Variants in TMEM178B observed in about 807,000 individuals in gnomAD.
TMEM178B encodes transmembrane protein 178B.
TMEM178B carries 5 observed loss-of-function variants against 31.0 expected under a neutral mutation model. The ratio of observed to expected loss-of-function variants is 0.16; its 90% CI spans 0.08 to 0.34. The LOEUF (loss-of-function observed/expected upper bound fraction) is 0.34, where lower values mean the gene tolerates loss of function less well. Among genes scored for constraint, TMEM178B ranks in the 10% least tolerant of loss-of-function variants. The pLI, the probability that TMEM178B is intolerant of heterozygous loss-of-function variation, is 1.00. For missense variants in TMEM178B, 275 were observed against 400.3 expected, an observed-to-expected ratio of 0.69 and a Z score of 2.67; for synonymous variants, 164 against 164.0, an observed-to-expected ratio of 1.00 and a Z score of 0.00.
chr7:141,344,614 T>TCCTTCCTTCCTC lies in TMEM178B; in HGVS notation c.497-92983_497-92982insCCCTTCCTTCCT, dbSNP rs1799584913. The stretch of plus-strand genomic sequence containing the variant: ...TTCCTTCCTTCCTTCCTTCCTTCCT[T>TCCTTCCTTCCTC]CCTTCCTTCCTTCCTCCCTTCCTTC... On this transcript the variant is annotated intron_variant, in intron 2 of 3. Transcript: ENST00000565468. This position sits in a 1 kb window ranked among gnomAD's most constrained non-coding sequence, Gnocchi z 4.1. Among the ~76,000 whole-genome samples, 2 of 146,324 alleles carry TCCTTCCTTCCTC rather than the reference T, an allele frequency of 1.4e-5. No homozygotes were observed. The highest frequency in any genetic ancestry group is 3.0e-5 in the Non-Finnish European group (2 of 67,278).
intron 1 of TMEM178B, among the ~76,000 whole-genome samples, chr7:141,101,986 A>C (rs1424281982): frequency 6.7e-6 from 1 of 150,326 alleles, no homozygotes; most frequent in East Asian, 2.0e-4. Flanking sequence ...GTATGAGTAG[A>C]TTTTGTTTTT....
At chr7:141,319,587 C>A (rs1799063748) in intron 2 of TMEM178B, among the ~76,000 whole-genome samples, 1 of 152,116 alleles carries the variant, frequency 6.6e-6, no homozygotes, top group African/African-American at 2.4e-5. Context: ...GAGTCTCACT[C>A]TATTGCCCAG....
At chr7:141,510,507 GA>G in the TMEM178B span, among the ~76,000 whole-genome samples, 1 of 151,602 alleles carries the variant, frequency 6.6e-6, no homozygotes, top group African/African-American at 2.4e-5. Flanking sequence ...TCAACATGGA[GA>G]AACCCCATCT....
At chr7:141,208,292 G>T (rs1194297343) in intron 1 of TMEM178B, among the ~76,000 whole-genome samples, 2 of 152,166 alleles carry the variant, frequency 1.3e-5, no homozygotes, top group Non-Finnish European at 2.9e-5. Flanking sequence ...CCCACCTGAG[G>T]CTTCTAGAGG....
At chr7:141,347,338 A>G (rs538474772) in intron 2 of TMEM178B, among the ~76,000 whole-genome samples, 7 of 152,260 alleles carry the variant, frequency 4.6e-5, no homozygotes, top group Admixed American at 3.3e-4. Flanking sequence ...ATGATATTGT[A>G]TGCAGACTCT....
intron 2 of TMEM178B, among the ~76,000 whole-genome samples, chr7:141,386,368 C>G (rs1166365775): frequency 6.6e-6 from 1 of 152,200 alleles, no homozygotes; most frequent in Non-Finnish European, 1.5e-5. Flanking sequence ...TTAAAATCTG[C>G]TCTCAGGAAC....
chr7:141,441,258 A>G (rs1193317947), intron 3 of TMEM178B, among the ~76,000 whole-genome samples: 1 of 152,200 alleles, frequency 6.6e-6, no homozygotes, highest in Non-Finnish European at 1.5e-5. Context: ...AGAACCCTGT[A>G]TGTCAGAGAG....
At chr7:141,228,858 C>G (rs1369102115) in intron 2 of TMEM178B, among the ~76,000 whole-genome samples, 23 of 152,100 alleles carry the variant, frequency 1.5e-4, no homozygotes, top group Non-Finnish European at 2.6e-4. Flanking sequence ...TTGGCCTCAT[C>G]ATTAAGTATT....
intron 2 of TMEM178B, among the ~76,000 whole-genome samples, chr7:141,434,321 T>G (rs1018637646): frequency 1.3e-5 from 2 of 152,180 alleles, no homozygotes; most frequent in African/African-American, 4.8e-5. Context: ...GGCCTTCCAA[T>G]GAGCAAAGCC....
chr7:141,475,421 T>C lies in TMEM178B; in HGVS notation c.*4635T>C, dbSNP rs567051299. On this transcript the variant is annotated 3_prime_UTR_variant, in exon 4 of 4. Coordinates refer to ENST00000565468, the MANE Select transcript of TMEM178B (RefSeq NM_001195278.2). ...AGTATTGGATTTCTTTCCTGAATAA[T>C]AACTGCTCATTGTAGAAAATAAGAA... The C allele has an allele frequency of 6.6e-6, 1 of 152,302 alleles. No homozygotes were observed. The highest frequency in any genetic ancestry group is 2.1e-4 in the South Asian group (1 of 4,822). The allele number at this position is 152,302 out of a possible 1,614,324, so 9.4% of individuals were successfully genotyped here.
chr7:141,171,963 A>C lies in TMEM178B; in HGVS notation c.383-40628A>C, dbSNP rs1796356759. Among the ~76,000 whole-genome samples the C allele has an allele frequency of 6.6e-6, 1 of 152,176 alleles. No homozygotes were observed. The highest frequency in any genetic ancestry group is 2.4e-5 in the African/African-American group (1 of 41,466). On this transcript the variant is annotated intron_variant, in intron 1 of 3. Transcript: ENST00000565468. The surrounding 1 kb of genome is among the most constrained non-coding windows in gnomAD (Gnocchi z 4.3). The stretch of plus-strand genomic sequence containing the variant: ...AATTGTTGAGTACCTATTGTGTGCT[A>C]GTGCTGTGATTGCGACCATTTATTG...
At chr7:141,204,334 C>G (rs1208645856) in intron 1 of TMEM178B, among the ~76,000 whole-genome samples, 1 of 152,234 alleles carries the variant, frequency 6.6e-6, no homozygotes, top group Non-Finnish European at 1.5e-5. Context: ...GGCTGTTGCT[C>G]TCCATCTGCC....
At chr7:141,210,365 A>G (rs1031640792) in intron 1 of TMEM178B, among the ~76,000 whole-genome samples, 6 of 152,190 alleles carry the variant, frequency 3.9e-5, no homozygotes, top group African/African-American at 1.4e-4. Flanking sequence ...TTGGGGGCTG[A>G]GGCAGGAGAA....
intron 1 of TMEM178B, among the ~76,000 whole-genome samples, chr7:141,142,315 T>C (rs73167437): frequency 0.1 from 13,828 of 137,078 alleles, 828 homozygotes; most frequent in South Asian, 0.23. Flanking sequence ...GCATCTGGAC[T>C]GATTCCATGT....
Position 141,198,186 on chromosome 7 carries a change from T to C in TMEM178B, c.383-14405T>C, listed in dbSNP as rs542687500. Among the ~76,000 whole-genome samples, 5 of 152,318 alleles carry C rather than the reference T, an allele frequency of 3.3e-5. No homozygotes were observed. The South Asian group carries it at 1.0e-3, about 32-fold the overall frequency. Reference sequence around the variant, plus strand: ...CTGAAACTAAACATTCATTCAGCTGTTTGGAAGCATCTGTGTGGCTGTTTG... The same window carrying C: ...CTGAAACTAAACATTCATTCAGCTGCTTGGAAGCATCTGTGTGGCTGTTTG... On this transcript the variant is annotated intron_variant, in intron 1 of 3. Transcript: ENST00000565468.
intron 2 of TMEM178B, among the ~76,000 whole-genome samples, chr7:141,379,244 A>G (rs2116583875): frequency 6.6e-6 from 1 of 152,074 alleles, no homozygotes; most frequent in Non-Finnish European, 1.5e-5. Flanking sequence ...AGGTGGGAGA[A>G]TCACTTAACC....
At chr7:141,449,585 G>A (rs1801826046) in intron 3 of TMEM178B, among the ~76,000 whole-genome samples, 1 of 152,188 alleles carries the variant, frequency 6.6e-6, no homozygotes, top group African/African-American at 2.4e-5. Flanking sequence ...CAGACACAGG[G>A]TCCCCCTGAG....
At chr7:141,235,137 C>T (rs1029200559) in intron 2 of TMEM178B, among the ~76,000 whole-genome samples, 3 of 152,242 alleles carry the variant, frequency 2.0e-5, no homozygotes, top group South Asian at 2.1e-4. Context: ...GGGCTTCCGT[C>T]GACACATCTT....
chr7:141,461,393 A>G lies in TMEM178B; in HGVS notation c.635-9143A>G, dbSNP rs1802057019. ...CCTGGGAGCAGAAAATGTCACACAG[A>G]TGGATATCTGGATCTAGAAACCTGT... On this transcript the variant is annotated intron_variant, in intron 3 of 3. Coordinates refer to ENST00000565468, the MANE Select transcript of TMEM178B (RefSeq NM_001195278.2). This position sits in a 1 kb window ranked among gnomAD's most constrained non-coding sequence, Gnocchi z 4.0. Among the ~76,000 whole-genome samples, 1 of 152,224 alleles carries G rather than the reference A, an allele frequency of 6.6e-6. No homozygotes were observed. Among genetic ancestry groups the G allele is most frequent in the Non-Finnish European group, 1.5e-5 (1 of 68,038 alleles).
Sources: gnomAD v4.1 joint callset for allele counts (sites outside exome capture counted in the v4.1 genomes callset) on GRCh38, gnomAD v4.1.1 for gene constraint, Gnocchi (gnomAD v3.1) non-coding constraint, MANE v1.5 for transcripts, NCBI Gene and HGNC (gene_info 2026-07-23, HGNC 2026-07-21) for gene names.